Variants in LHFPL6 observed in about 807,000 individuals in gnomAD.
The protein encoded by LHFPL6 is LHFPL tetraspan subfamily member 6 protein.
Under a neutral mutation model 20.6 loss-of-function variants are expected in LHFPL6, and 9 were observed. The ratio of observed to expected loss-of-function variants is 0.44; its 90% CI spans 0.26 to 0.76. The LOEUF (loss-of-function observed/expected upper bound fraction) is 0.76, where lower values mean the gene tolerates loss of function less well. Among genes scored for constraint, LHFPL6 ranks in the 30% least tolerant of loss-of-function variants. LHFPL6 has a pLI of 0.20. For missense variants in LHFPL6, 218 were observed against 253.5 expected (o/e 0.86, Z 0.95); for synonymous variants, 105 against 98.7 (o/e 1.06, Z -0.38).
At chr13:39,476,090 A>G (rs1474213711) in intron 2 of LHFPL6, among the ~76,000 whole-genome samples, 1 of 152,228 alleles carries the variant, frequency 6.6e-6, no homozygotes, top group Admixed American at 6.5e-5. Context: ...AGTATTTACT[A>G]TTTCTATAAA....
Position 39,603,110 on chromosome 13 carries a change from C to G in LHFPL6, c.-402G>C, listed in dbSNP as rs773103224. On this transcript the variant is annotated 5_prime_UTR_variant, in exon 1 of 4. Transcript: ENST00000379589. ...CACCAGCGGAGACCCCCACTCCCGG[C>G]GAGTCCGCGGCGGCAGCTCTGGCGG... 6.6e-6 allele frequency: 1 copy of G among 152,304 alleles called. No individual in the cohort carries two copies. Among genetic ancestry groups the G allele is most frequent in the Non-Finnish European group, 1.5e-5 (1 of 68,122 alleles). The allele number at this position is 152,304 out of a possible 1,614,324, so 9.4% of individuals were successfully genotyped here.
chr13:39,493,801 A>C (rs1217697938), intron 2 of LHFPL6, among the ~76,000 whole-genome samples: 1 of 152,224 alleles, frequency 6.6e-6, no homozygotes, highest in Non-Finnish European at 1.5e-5. Context: ...TCCTCAGGAA[A>C]GACATCAGGG....
chr13:39,421,074 C>T (rs149810591), intron 2 of LHFPL6, among the ~76,000 whole-genome samples: 2 of 148,346 alleles, frequency 1.3e-5, no homozygotes, highest in East Asian at 4.1e-4. Context: ...TAGCAATATC[C>T]AATATCTGTC....
At chr13:39,566,527 G>C (rs1253091582) in intron 2 of LHFPL6, among the ~76,000 whole-genome samples, 1 of 151,836 alleles carries the variant, frequency 6.6e-6, no homozygotes, top group African/African-American at 2.4e-5. Context: ...GATCACTAGA[G>C]CCTAGGAGTT....
chr13:39,430,873 T>C (rs1453319825), intron 2 of LHFPL6, among the ~76,000 whole-genome samples: 3 of 152,136 alleles, frequency 2.0e-5, no homozygotes, highest in Admixed American at 1.3e-4. Context: ...GAAAAACTGG[T>C]TATCCAAGCC....
chr13:39,521,309 T>C (rs529317151), intron 2 of LHFPL6, among the ~76,000 whole-genome samples: 2 of 152,328 alleles, frequency 1.3e-5, no homozygotes, highest in South Asian at 4.1e-4. Flanking sequence ...ATCTTTCATC[T>C]TGAATTGAAT....
chr13:39,433,853 A>C (rs1177807389), intron 2 of LHFPL6, among the ~76,000 whole-genome samples: 3 of 152,200 alleles, frequency 2.0e-5, no homozygotes, highest in Non-Finnish European at 4.4e-5. Context: ...AAGTTTGAAT[A>C]ATCCAGCAGT....
At chr13:39,400,522 G>A (rs998602714) in intron 2 of LHFPL6, among the ~76,000 whole-genome samples, 1 of 152,052 alleles carries the variant, frequency 6.6e-6, no homozygotes, top group Non-Finnish European at 1.5e-5. Flanking sequence ...GGTGGCTCAC[G>A]CCTGTAATCC....
intron 3 of LHFPL6, among the ~76,000 whole-genome samples, chr13:39,370,025 G>A (rs1870125492): frequency 6.6e-6 from 1 of 152,180 alleles, no homozygotes; most frequent in African/African-American, 2.4e-5. Context: ...TGGGCAGGTT[G>A]AATGAACATC....
intron 2 of LHFPL6, among the ~76,000 whole-genome samples, chr13:39,507,845 G>T (rs1193258999): frequency 5.9e-5 from 9 of 151,850 alleles, no homozygotes; most frequent in Non-Finnish European, 1.0e-4. Context: ...ATAAATCCAA[G>T]ATTTGTCTCT....
intron 2 of LHFPL6, among the ~76,000 whole-genome samples, chr13:39,564,061 G>C (rs139581187): frequency 3.9e-5 from 6 of 152,078 alleles, no homozygotes; most frequent in Non-Finnish European, 7.4e-5. Context: ...GCACTGGAAG[G>C]CTTCCCACCA....
intron 2 of LHFPL6, among the ~76,000 whole-genome samples, chr13:39,578,590 G>A (rs1428889961): frequency 6.6e-6 from 1 of 152,200 alleles, no homozygotes; most frequent in Non-Finnish European, 1.5e-5. Context: ...CACGGGGCAA[G>A]CAAGTCATGA....
chr13:39,396,854 A>C (rs1402315368), intron 2 of LHFPL6, among the ~76,000 whole-genome samples: 1 of 152,132 alleles, frequency 6.6e-6, no homozygotes, highest in Non-Finnish European at 1.5e-5. Flanking sequence ...ATACATACAC[A>C]CACACAGAGG....
At chr13:39,370,184 C>A (rs1438816667) in intron 3 of LHFPL6, among the ~76,000 whole-genome samples, 2 of 152,172 alleles carry the variant, frequency 1.3e-5, no homozygotes, top group African/African-American at 2.4e-5. Context: ...TCAGTCATGT[C>A]ATCACTGGCC....
chr13:39,372,961 C>T (rs1474242591), intron 3 of LHFPL6, among the ~76,000 whole-genome samples: 1 of 152,170 alleles, frequency 6.6e-6, no homozygotes. Flanking sequence ...TCCTCCTGCC[C>T]TCTCTGCAAC....
At chr13:39,463,556 G>T (rs113897411) in intron 2 of LHFPL6, among the ~76,000 whole-genome samples, 3 of 152,226 alleles carry the variant, frequency 2.0e-5, no homozygotes, top group African/African-American at 7.2e-5. Context: ...AGGTAGGGGC[G>T]AAGGTCATAG....
chr13:39,601,756 G>C (rs1190055499), intron 1 of LHFPL6, among the ~76,000 whole-genome samples: 3 of 152,172 alleles, frequency 2.0e-5, no homozygotes, highest in Non-Finnish European at 4.4e-5. Context: ...ACCATGCCAT[G>C]ATTTCCATTT....
intron 2 of LHFPL6, among the ~76,000 whole-genome samples, chr13:39,424,160 A>C (rs773086273): frequency 6.6e-6 from 1 of 152,238 alleles, no homozygotes; most frequent in Non-Finnish European, 1.5e-5. Flanking sequence ...AAAGTAGCTC[A>C]TGCATTAAAA....
At chr13:39,387,457 G>T (rs147176313) in intron 2 of LHFPL6, among the ~76,000 whole-genome samples, 1 of 146,650 alleles carries the variant, frequency 6.8e-6, no homozygotes, top group African/African-American at 2.6e-5. Flanking sequence ...TGAGGCAGGA[G>T]AATCGCTTGA....
Sources: allele counts gnomAD v4.1 joint callset (sites outside exome capture counted in the v4.1 genomes callset), GRCh38; gene constraint gnomAD v4.1.1; transcripts MANE v1.5; gene names NCBI Gene and HGNC (gene_info 2026-07-23, HGNC 2026-07-21).